Variants in SMOC2 observed in about 807,000 individuals in gnomAD.
SMOC2 encodes SPARC related modular calcium binding 2, also known as SPARC-related modular calcium-binding protein 2.
In SMOC2, 39 loss-of-function variants were observed where a neutral mutation model predicts 61.4. The observed-to-expected ratio is 0.64, with a 90% CI of 0.49 to 0.83. The LOEUF (loss-of-function observed/expected upper bound fraction) is 0.83. Among genes scored for constraint, SMOC2 ranks in the 40% least tolerant of loss-of-function variants. The pLI, the probability that SMOC2 is intolerant of heterozygous loss-of-function variation, is 0.00. For synonymous variants in SMOC2, 247 were observed against 239.9 expected, an observed-to-expected ratio of 1.03 and a Z score of -0.27; for missense variants, 556 against 592.9, an observed-to-expected ratio of 0.94 and a Z score of 0.65.
intron 2 of SMOC2, 23 bp from the exon 3 acceptor site, chr6:168,526,323 C>G: frequency 6.3e-7 from 1 of 1,597,662 alleles, no homozygotes; most frequent in Non-Finnish European, 8.6e-7. Flanking sequence ...ATAACCACAC[C>G]TCTGCCCTGT....
At chr6:168,570,893 T>G (rs551309219) in intron 7 of SMOC2, among the ~76,000 whole-genome samples, 2 of 152,378 alleles carry the variant, frequency 1.3e-5, no homozygotes, top group East Asian at 3.9e-4. Flanking sequence ...GTGTATTTTT[T>G]AAACGTCTTG....
At chr6:168,566,701 G>T (rs964663689) in intron 7 of SMOC2, among the ~76,000 whole-genome samples, 1 of 151,788 alleles carries the variant, frequency 6.6e-6, no homozygotes, top group African/African-American at 2.4e-5. Flanking sequence ...TTGTATTTTT[G>T]TGTTTGCCAG....
intron 11 of SMOC2, among the ~76,000 whole-genome samples, chr6:168,658,941 GGT>G (rs1787398559): frequency 7.1e-6 from 1 of 141,350 alleles, no homozygotes; most frequent in African/African-American, 2.6e-5. Context: ...GTGTATGTGT[GGT>G]GTGTGTGGTG....
chr6:168,652,445 C>T (rs1787219589), intron 10 of SMOC2, among the ~76,000 whole-genome samples: 1 of 152,218 alleles, frequency 6.6e-6, no homozygotes, highest in Non-Finnish European at 1.5e-5. Flanking sequence ...TAAAGATCCG[C>T]ACCTTCTAGA....
At chr6:168,611,251 G>C (rs1018359234) in intron 9 of SMOC2, among the ~76,000 whole-genome samples, 1 of 139,846 alleles carries the variant, frequency 7.2e-6, no homozygotes, top group African/African-American at 2.7e-5. Context: ...CCCTGCTCTG[G>C]TTCCCATGTC....
chr6:168,462,193 G>GAACC (rs1781733497), intron 1 of SMOC2, among the ~76,000 whole-genome samples: 1 of 152,118 alleles, frequency 6.6e-6, no homozygotes, highest in African/African-American at 2.4e-5. Flanking sequence ...TAGATCCCTA[G>GAACC]AACCCATCAG....
rs529613230 is a variant in SMOC2 at position 168,527,591 on chromosome 6, G to A, written c.364-37G>A. On this transcript the variant is annotated intron_variant, in intron 3 of 12. Transcript: ENST00000356284. ...GCAGCCGTGAGGCGCTGCGCCACGG[G>A]CCCGGGAGGGCTTACCCGTCCTGTG... is the stretch of plus-strand genomic sequence containing the variant. 7.2e-5 allele frequency: 106 copies of A among 1,477,010 alleles called. 1 individual carries two copies. In the South Asian group the frequency reaches 1.3e-3, roughly 18 times the overall value. The allele number at this position is 1,477,010 out of a possible 1,614,324, so 91.5% of individuals were successfully genotyped here.
intron 7 of SMOC2, among the ~76,000 whole-genome samples, chr6:168,550,385 C>G (rs1451414387): frequency 6.6e-6 from 1 of 152,162 alleles, no homozygotes; most frequent in Non-Finnish European, 1.5e-5. Flanking sequence ...AAGAGTGGTT[C>G]GATTCCCCCT....
chr6:168,631,313 G>A (rs1023430309), intron 9 of SMOC2, among the ~76,000 whole-genome samples: 8 of 152,134 alleles, frequency 5.3e-5, no homozygotes, highest in Non-Finnish European at 1.0e-4. Flanking sequence ...TCCCACAAAA[G>A]TCAGGCCTTG....
chr6:168,639,477 A>T (rs949640811), intron 9 of SMOC2, among the ~76,000 whole-genome samples: 1 of 152,060 alleles, frequency 6.6e-6, no homozygotes, highest in Non-Finnish European at 1.5e-5. Flanking sequence ...ATAACCGTCA[A>T]CTCCAATATT....
intron 9 of SMOC2, among the ~76,000 whole-genome samples, chr6:168,640,594 C>T (rs1043301564): frequency 2.0e-5 from 3 of 152,154 alleles, no homozygotes; most frequent in African/African-American, 7.2e-5. Flanking sequence ...CAATCAAGGA[C>T]ATTGGAGCTA....
chr6:168,627,271 A>G (rs1474856250), intron 9 of SMOC2, among the ~76,000 whole-genome samples: 1 of 152,150 alleles, frequency 6.6e-6, no homozygotes, highest in Non-Finnish European at 1.5e-5. Flanking sequence ...CCTTATAAAA[A>G]TTGCCCTTTG....
rs561501456 is a variant in SMOC2, at chr6:168,612,786, G to GGAGATGCAGGCGAAAGACA, written c.907+4551_907+4569dup. Reference sequence around the variant, plus strand: ...GCCATCGGCACAACCTTGTCAGAGAGGAGATGCAGGCGAAAGACAGAGGTG... The same window carrying GGAGATGCAGGCGAAAGACA: ...GCCATCGGCACAACCTTGTCAGAGAGGAGATGCAGGCGAAAGACAGAGATGCAGGCGAAAGACAGAGGTG... On this transcript the variant is annotated intron_variant, in intron 9 of 12. Transcript: ENST00000356284. Among the ~76,000 whole-genome samples, 338 of 151,992 alleles carry GGAGATGCAGGCGAAAGACA rather than the reference G, an allele frequency of 2.2e-3. 1 individual carries two copies. Among genetic ancestry groups the GGAGATGCAGGCGAAAGACA allele is most frequent in the African/African-American group, 7.8e-3 (323 of 41,554 alleles).
chr6:168,606,138 C>T (rs531145510), intron 8 of SMOC2, among the ~76,000 whole-genome samples: 29 of 152,286 alleles, frequency 1.9e-4, no homozygotes, highest in African/African-American at 6.3e-4. Flanking sequence ...TTCCTGTACA[C>T]ATCATCTCTG....
intron 1 of SMOC2, among the ~76,000 whole-genome samples, chr6:168,489,608 C>G (rs943382092): frequency 1.3e-5 from 2 of 148,478 alleles, no homozygotes; most frequent in East Asian, 4.1e-4. Flanking sequence ...ATCAAATTGT[C>G]TGGGTCCCCT....
intron 1 of SMOC2, among the ~76,000 whole-genome samples, chr6:168,501,412 G>A (rs955851406): frequency 1.3e-5 from 2 of 152,112 alleles, no homozygotes; most frequent in Admixed American, 6.5e-5. Flanking sequence ...TCCGTCCCTT[G>A]CTGCGGTGCC....
At chr6:168,466,459 G>A (rs961115623) in intron 1 of SMOC2, among the ~76,000 whole-genome samples, 1 of 152,212 alleles carries the variant, frequency 6.6e-6, no homozygotes, top group South Asian at 2.1e-4. Context: ...GCTTCTGTGG[G>A]TTGGTGGTGG....
chr6:168,621,389 C>T (rs1259954318), intron 9 of SMOC2, among the ~76,000 whole-genome samples: 1 of 152,226 alleles, frequency 6.6e-6, no homozygotes, highest in Non-Finnish European at 1.5e-5. Context: ...CTAAGGAACA[C>T]ACATTATCTG....
intron 9 of SMOC2, among the ~76,000 whole-genome samples, chr6:168,616,622 A>T (rs1583163898): frequency 6.6e-6 from 1 of 152,246 alleles, no homozygotes; most frequent in East Asian, 1.9e-4. Context: ...TCTAAATATG[A>T]AATTTGCCCA....
Sources: gnomAD v4.1 joint callset for allele counts (sites outside exome capture counted in the v4.1 genomes callset) on GRCh38, gnomAD v4.1.1 for gene constraint, MANE v1.5 for transcripts, NCBI Gene and HGNC (gene_info 2026-07-23, HGNC 2026-07-21) for gene names.